Variants in TBK1 observed in about 807,000 individuals in gnomAD.
The protein encoded by TBK1 is serine/threonine-protein kinase TBK1.
In TBK1, 37 loss-of-function variants were observed where a neutral mutation model predicts 99.9. The ratio of observed to expected loss-of-function variants is 0.37; its 90% CI spans 0.28 to 0.49. The LOEUF (loss-of-function observed/expected upper bound fraction) is 0.49, where lower values mean the gene tolerates loss of function less well. TBK1 is among the 20% of genes least tolerant of loss of function. The pLI is 0.98. For synonymous variants in TBK1, 258 were observed against 279.8 expected (o/e 0.92, Z 0.78); for missense variants, 644 against 872.5 (o/e 0.74, Z 3.30).
intron 4 of TBK1, among the ~76,000 whole-genome samples, chr12:64,465,080 C>T (rs1489370591): frequency 6.7e-6 from 1 of 149,450 alleles, no homozygotes; most frequent in Non-Finnish European, 1.5e-5. Context: ...CCTGTCTCTA[C>T]AAAAAATAAA....
chr12:64,478,165 T>G (rs374140250), intron 6 of TBK1, among the ~76,000 whole-genome samples: 21 of 152,208 alleles, frequency 1.4e-4, no homozygotes, highest in African/African-American at 5.1e-4. Flanking sequence ...TTTGTTTTGT[T>G]TTTTTGAGAC....
rs34194131 is a variant in TBK1 at position 64,502,050 on chromosome 12, GTA to G, written c.*673_*674del. On this transcript the variant is annotated 3_prime_UTR_variant, in exon 21 of 21. Transcript: ENST00000331710. ...AAGGTCATTTCAACTGTTTTAAGCTGTATATTTCTTTAATTCTGCTTACTATT... is the reference window on the plus strand; with the variant it reads ...AAGGTCATTTCAACTGTTTTAAGCTGTATTTCTTTAATTCTGCTTACTATT... 0.41 allele frequency: 62,859 copies of G among 152,262 alleles called. 15,405 individuals are homozygous for G. Among genetic ancestry groups the G allele is most frequent in the Non-Finnish European group, 0.55 (37,380 of 67,930 alleles). 9.4% of individuals were successfully genotyped at this position (152,262 alleles called of 1,614,324 possible). A position where few individuals can be genotyped will look rare whatever the true frequency, so the allele number is the denominator to read the frequency against.
chr12:64,492,731 C>CTTT (rs36044305), intron 13 of TBK1, among the ~76,000 whole-genome samples: 9 of 147,384 alleles, frequency 6.1e-5, no homozygotes, highest in African/African-American at 2.2e-4. Context: ...TTCTCTTTTT[C>CTTT]TTTTTTTTTT....
intron 1 of TBK1, among the ~76,000 whole-genome samples, chr12:64,455,160 A>AT (rs925116068): frequency 4.0e-5 from 6 of 149,994 alleles, no homozygotes; most frequent in Admixed American, 1.3e-4. Flanking sequence ...TAATTTTTGT[A>AT]TTTTTTGTGG....
chr12:64,466,836 T>C, intron 4 of TBK1, 65 bp from the exon 5 acceptor site: 1 of 1,285,212 alleles, frequency 7.8e-7, no homozygotes, highest in Admixed American at 2.8e-5. Context: ...ATCAATGAAT[T>C]TGAGACATGC....
intron 6 of TBK1, among the ~76,000 whole-genome samples, chr12:64,479,735 A>G (rs2040749579): frequency 6.6e-6 from 1 of 152,196 alleles, no homozygotes; most frequent in African/African-American, 2.4e-5. Context: ...AAAAATTAAT[A>G]TATTTGTTGT....
chr12:64,476,128 T>TGTTG, intron 6 of TBK1, among the ~76,000 whole-genome samples: 1 of 151,572 alleles, frequency 6.6e-6, no homozygotes. Context: ...TTTTCATGTT[T>TGTTG]GTTGGCAGCT....
At chr12:64,472,564 C>T (rs1278193397) in intron 5 of TBK1, among the ~76,000 whole-genome samples, 1 of 152,166 alleles carries the variant, frequency 6.6e-6, no homozygotes, top group Non-Finnish European at 1.5e-5. Flanking sequence ...ACTGGTTATT[C>T]TCTGCAGAAC....
rs562876176 is a variant in TBK1, at chr12:64,463,870, GT to G, written c.229-452del. Among the ~76,000 whole-genome samples, 109 of 137,886 alleles carry G rather than the reference GT, an allele frequency of 7.9e-4. No homozygotes were observed. The East Asian group carries it at 0.014, about 18-fold the overall frequency. The allele number at this position is 137,886 out of a possible 152,430, so 90.5% of individuals were successfully genotyped here. On this transcript the variant is annotated intron_variant, in intron 3 of 20. Coordinates refer to ENST00000331710, the MANE Select transcript of TBK1 (RefSeq NM_013254.4). ...TGGAAAATGTTAGTTTTTTTTTTTTGTTTTTTTTTTTTGAGATGGAGTCTCG... is the reference window on the plus strand; with the variant it reads ...TGGAAAATGTTAGTTTTTTTTTTTTGTTTTTTTTTTTGAGATGGAGTCTCG...
intron 1 of TBK1, 54 bp from the exon 2 acceptor site, chr12:64,455,786 T>G (rs2040480447): frequency 1.1e-6 from 1 of 883,042 alleles, no homozygotes; most frequent in African/African-American, 1.7e-5. Context: ...AACATTTGTT[T>G]CTTAGCTGTG....
intron 4 of TBK1, among the ~76,000 whole-genome samples, chr12:64,465,257 AAAAAAAAC>A (rs2040591065): frequency 6.6e-6 from 1 of 150,884 alleles, no homozygotes; most frequent in Non-Finnish European, 1.5e-5. Context: ...AAAAAAAAAA[AAAAAAAAC>A]AAGTGTTGGC....
chr12:64,497,309 G>GAGAAGA, intron 18 of TBK1, 50 bp downstream of exon 18: 1 of 1,282,250 alleles, frequency 7.8e-7, no homozygotes, highest in Non-Finnish European at 1.1e-6. Flanking sequence ...GTTTATAACT[G>GAGAAGA]ATAGTGATTG....
At position 64,481,908 on chromosome 12, in the gene TBK1, G is replaced by T. The variant is rs1438297988; in HGVS notation, c.879G>T (p.Trp293Cys). The T allele has an allele frequency of 6.2e-7, 1 of 1,611,378 alleles. No individual in the cohort carries two copies. The highest frequency in any genetic ancestry group is 8.5e-7 in the Non-Finnish European group (1 of 1,178,826). ...NILEADQEKC[W>C]GFDQFFAETS... ...TTGAAGCAGATCAGGAAAAGTGTTG[G>T]GGTTTTGACCAGTTTTTTGCAGAAA... Residue 293 changes from tryptophan (W) to cysteine (C), a missense_variant, in exon 8 of 21, where the codon TGG becomes TGT. Trp to Cys is a radical substitution (Grantham distance 215). This residue lies in a region of TBK1 where 465 missense variants were observed against 588.0 expected (regional missense o/e 0.79). Coordinates refer to ENST00000331710, the MANE Select transcript of TBK1 (RefSeq NM_013254.4).
At chr12:64,485,803 G>T (rs1338632271) in intron 10 of TBK1, 123 bp from the exon 11 acceptor site, 2 of 572,644 alleles carry the variant, frequency 3.5e-6, no homozygotes, top group African/African-American at 1.9e-5. Context: ...TTAGAAATTG[G>T]TGGTTTATTG....
chr12:64,454,991 CTTT>C (rs55853717), intron 1 of TBK1, among the ~76,000 whole-genome samples: 19 of 107,524 alleles, frequency 1.8e-4, no homozygotes, highest in East Asian at 2.7e-4. Flanking sequence ...TTTTTTTTTT[CTTT>C]TTTTTTTTTT....
chr12:64,469,330 G>A (rs12319677), intron 5 of TBK1, among the ~76,000 whole-genome samples: 65,687 of 151,390 alleles, frequency 0.43, 16,338 homozygotes, highest in Non-Finnish European at 0.56. Flanking sequence ...TTAGCCTACC[G>A]AGAACACCAA....
chr12:64,482,476 C>T (rs922716271), intron 8 of TBK1, among the ~76,000 whole-genome samples: 7 of 151,888 alleles, frequency 4.6e-5, no homozygotes, highest in East Asian at 1.9e-4. Flanking sequence ...CACCTGGCTC[C>T]GGAAAAATAA....
chr12:64,479,346 A>G (rs2040744706), intron 6 of TBK1, among the ~76,000 whole-genome samples: 1 of 152,118 alleles, frequency 6.6e-6, no homozygotes, highest in African/African-American at 2.4e-5. Flanking sequence ...TTTCACGTTA[A>G]TTTCCTCTTT....
chr12:64,498,642 G>T (rs1323472603), intron 20 of TBK1, among the ~76,000 whole-genome samples: 1 of 152,050 alleles, frequency 6.6e-6, no homozygotes, highest in Admixed American at 6.6e-5. Flanking sequence ...GTTCTCAAAC[G>T]CTTGTAATGC....
Sources: gnomAD v4.1 joint callset for allele counts (sites outside exome capture counted in the v4.1 genomes callset) on GRCh38, gnomAD v4.1.1 for gene constraint, gnomAD v4.1.1 regional missense constraint, MANE v1.5 for transcripts, NCBI Gene and HGNC (gene_info 2026-07-23, HGNC 2026-07-21) for gene names.